Variants in ZNF750 observed in about 807,000 individuals in gnomAD.
ZNF750 encodes protein ZNF750.
ZNF750 carries 10 observed loss-of-function variants against 31.6 expected under a neutral mutation model. That is an observed-to-expected ratio of 0.32 (90% CI 0.19 to 0.54). The LOEUF (loss-of-function observed/expected upper bound fraction) is 0.54, where lower values mean the gene tolerates loss of function less well. Among genes scored for constraint, ZNF750 ranks in the 20% least tolerant of loss-of-function variants. The probability of loss-of-function intolerance (pLI) is 0.95; values close to 1 mark genes in which losing one functional copy is unlikely to be tolerated. For missense variants in ZNF750, 914 were observed against 934.9 expected (o/e 0.98, Z 0.29); for synonymous variants, 400 against 404.9 (o/e 0.99, Z 0.15).
Position 82,839,103 on chromosome 17 carries a change from A to T in ZNF750, c.-183+824T>A, listed in dbSNP as rs146106217. 1.4e-4 allele frequency: 58 copies of T among 410,150 alleles called. 2 individuals are homozygous for T. The East Asian group carries it at 8.5e-3, about 60-fold the overall frequency. The allele number at this position is 410,150 out of a possible 1,614,324, so 25.4% of individuals were successfully genotyped here. Reference sequence around the variant, plus strand: ...CCTTTGGTTTGGTTTTGTTTTCGAAAGCTTATGCCCAATTTTAAACTTCAT... The same window carrying T: ...CCTTTGGTTTGGTTTTGTTTTCGAATGCTTATGCCCAATTTTAAACTTCAT... On this transcript the variant is annotated intron_variant, in intron 1 of 2. Transcript: ENST00000269394.
chr17:82,834,932 T>C (rs999808561), intron 1 of ZNF750, among the ~76,000 whole-genome samples: 1 of 151,912 alleles, frequency 6.6e-6, no homozygotes, highest in African/African-American at 2.4e-5. Context: ...GGGCCGTGGC[T>C]CATGCCTGTA....
rs750090135 is a variant in ZNF750, at chr17:82,830,628, C to G, written c.1686G>C (p.Gln562His). The change falls in exon 3 of 3, where the codon CAG becomes CAC. Residue 562 changes from glutamine (Q) to histidine (H), a missense_variant. This residue lies in a region of ZNF750 where 880 missense variants were observed against 868.9 expected (regional missense o/e 1.01). Transcript: ENST00000269394. The stretch of plus-strand genomic sequence containing the variant: ...GACCGGGGAAGGCAGGCCTCGGAGC[C>G]TGGGTGTTACAGGGGTCCTTCACCG... Reference protein sequence around the residue: ...NLSVKDPCNTQAPRPAFPGRP... With the variant: ...NLSVKDPCNTHAPRPAFPGRP... The G allele has an allele frequency of 6.2e-7, 1 of 1,613,908 alleles. No homozygotes were observed. The highest frequency in any genetic ancestry group is 1.3e-5 in the African/African-American group (1 of 74,918).
intron 1 of ZNF750, among the ~76,000 whole-genome samples, chr17:82,836,362 G>A (rs1460976029): frequency 6.6e-6 from 1 of 152,236 alleles, no homozygotes; most frequent in African/African-American, 2.4e-5. Context: ...GGATCTGAAA[G>A]CTGATGATTT....
chr17:82,831,166 A>C lies in ZNF750; in HGVS notation c.1289T>G (p.Leu430Arg). The change falls in exon 2 of 3, where the codon CTG becomes CGG. Residue 430 changes from leucine (L) to arginine (R), a missense_variant. Transcript: ENST00000269394. The surrounding 1 kb of genome is among the most constrained non-coding windows in gnomAD (Gnocchi z 4.6). ...FMQTSQTCEG[L>R]YDLSNKAASS... ...GGCTGCCTTGTTGGAGAGGTCGTAC[A>C]GGCCTTCGCAGGTCTGGCTCGTCTG... 2 of 1,614,118 alleles carry C rather than the reference A, an allele frequency of 1.2e-6. No individual in the cohort carries two copies. Among genetic ancestry groups the C allele is most frequent in the Non-Finnish European group, 1.7e-6 (2 of 1,180,028 alleles).
rs1278025423 is a variant in ZNF750 at position 82,833,761 on chromosome 17, C to T, written c.-182-1125G>A. Among the ~76,000 whole-genome samples, 3 of 152,160 alleles carry T rather than the reference C, an allele frequency of 2.0e-5. No homozygotes were observed. Among genetic ancestry groups the T allele is most frequent in the Admixed American group, 6.5e-5 (1 of 15,284 alleles). Reference sequence around the variant, plus strand: ...GGAGGAAGCTGTCCTGGCCCTTAACCTTTAGGGAGTGGGTTCAGCCCTCTG... The same window carrying T: ...GGAGGAAGCTGTCCTGGCCCTTAACTTTTAGGGAGTGGGTTCAGCCCTCTG... On this transcript the variant is annotated intron_variant, in intron 1 of 2. Coordinates refer to ENST00000269394, the MANE Select transcript of ZNF750 (RefSeq NM_024702.3). This position sits in a 1 kb window ranked among gnomAD's most constrained non-coding sequence, Gnocchi z 4.7.
In ZNF750 at chr17:82,830,159, T is replaced by C; in HGVS notation, c.2155A>G (p.Arg719Gly). 6.2e-7 allele frequency: 1 copy of C among 1,614,036 alleles called. No homozygotes were observed. The highest frequency in any genetic ancestry group is 8.5e-7 in the Non-Finnish European group (1 of 1,180,042). Residue 719 changes from arginine (R) to glycine (G), a missense_variant, in exon 3 of 3, where the codon AGG becomes GGG. Physicochemically the swap from Arg to Gly is moderately radical, Grantham distance 125. Coordinates refer to ENST00000269394, the MANE Select transcript of ZNF750 (RefSeq NM_024702.3). Reference sequence around the variant, plus strand: ...ACCCGGCGTTAGGACACCCGGGCCCTCCTTCGTAGTGTGAACACTCTGGCC... The same window carrying C: ...ACCCGGCGTTAGGACACCCGGGCCCCCCTTCGTAGTGTGAACACTCTGGCC... ...DTARVFTLRR[R>G]ARVS
intron 1 of ZNF750, among the ~76,000 whole-genome samples, chr17:82,837,683 C>T (rs781655022): frequency 1.4e-4 from 22 of 152,180 alleles, no homozygotes; most frequent in Admixed American, 2.6e-4. Context: ...CCCACTGGAT[C>T]GGCAGGAAGC....
Position 82,831,965 on chromosome 17 carries a change from G to T in ZNF750, c.490C>A (p.Pro164Thr). 1.2e-6 allele frequency: 2 copies of T among 1,613,838 alleles called. No individual in the cohort carries two copies. Among genetic ancestry groups the T allele is most frequent in the Non-Finnish European group, 1.7e-6 (2 of 1,179,770 alleles). ...CCCTTGAGTCTGTGCTCGCCGACTG[G>T]AACAAATGCAGAAGGCCGAGCTGCG... ...EGAARPSAFVPVGEHRLKGPD... is the reference protein window; with the variant it reads ...EGAARPSAFVTVGEHRLKGPD... Residue 164 changes from proline to threonine, a missense_variant, in exon 2 of 3, where the codon CCA becomes ACA. Around this residue, in one of 2 missense-constraint regions of ZNF750, gnomAD observed 880 missense variants for 868.9 expected, o/e 1.01. Transcript: ENST00000269394. This position sits in a 1 kb window ranked among gnomAD's most constrained non-coding sequence, Gnocchi z 4.6.
Position 82,831,687 on chromosome 17 carries a change from G to GTAGA in ZNF750, c.764_767dup (p.Ser257LeufsTer12). The GTAGA allele has an allele frequency of 6.2e-7, 1 of 1,614,222 alleles. No homozygotes were observed. The highest frequency in any genetic ancestry group is 8.5e-7 in the Non-Finnish European group (1 of 1,180,040). On this transcript the variant is annotated frameshift_variant, in exon 2 of 3. Transcript: ENST00000269394. LOFTEE classifies it high-confidence loss of function. This position sits in a 1 kb window ranked among gnomAD's most constrained non-coding sequence, Gnocchi z 4.6. ...AGCTCCCAGCCAGCAGGTAAGGCGA[G>GTAGA]TAGATGGTGGCCAGCCCGTGCTCTG...
chr17:82,831,746 G>A lies in ZNF750; in HGVS notation c.709C>T (p.Pro237Ser), dbSNP rs1417497971. ...TGAGGCGGGTACTCTGGGATTGTGG[G>A]GTGCATGTAAGGGGAAATGGCCCCA... The part of the protein sequence containing the change: ...GLGAISPYMH[P>S]TIPEYPPHFY... Residue 237 changes from proline to serine, a missense_variant, in exon 2 of 3, where the codon CCC becomes TCC. This residue lies in a region of ZNF750 where 880 missense variants were observed against 868.9 expected (regional missense o/e 1.01). Transcript: ENST00000269394. The surrounding 1 kb of genome is among the most constrained non-coding windows in gnomAD (Gnocchi z 4.6). 6.2e-7 allele frequency: 1 copy of A among 1,614,152 alleles called. No homozygotes were observed. The highest frequency in any genetic ancestry group is 1.7e-5 in the Admixed American group (1 of 60,016).
chr17:82,838,615 C>T (rs1811959870), intron 1 of ZNF750: 5 of 983,698 alleles, frequency 5.1e-6, no homozygotes, highest in South Asian at 4.7e-5. Context: ...GTCGCAAGAA[C>T]GAGATTTGTG....
intron 1 of ZNF750, among the ~76,000 whole-genome samples, chr17:82,836,904 A>G (rs1175820595): frequency 2.0e-5 from 3 of 152,132 alleles, no homozygotes; most frequent in Admixed American, 6.6e-5. Flanking sequence ...CAGTTAGTTC[A>G]CGTAAGCGGG....
intron 1 of ZNF750, among the ~76,000 whole-genome samples, chr17:82,836,905 C>T (rs556079801): frequency 2.6e-5 from 4 of 152,150 alleles, no homozygotes; most frequent in East Asian, 1.9e-4. Flanking sequence ...AGTTAGTTCA[C>T]GTAAGCGGGT....
At chr17:82,836,705 A>G (rs758876408) in intron 1 of ZNF750, among the ~76,000 whole-genome samples, 1 of 148,546 alleles carries the variant, frequency 6.7e-6, no homozygotes, top group Non-Finnish European at 1.5e-5. Context: ...AAAACAAAAC[A>G]AAACAAAACC....
At position 82,832,181 on chromosome 17, in the gene ZNF750, C is replaced by A. The variant is rs377414981; in HGVS notation, c.274G>T (p.Ala92Ser). The A allele has an allele frequency of 2.5e-6, 4 of 1,614,214 alleles. No individual in the cohort carries two copies. In the South Asian group the frequency reaches 3.3e-5, roughly 13 times the overall value. Reference protein sequence around the residue: ...TAKPASSKSVANGLSAFDSKL... With the variant: ...TAKPASSKSVSNGLSAFDSKL... ...GAGTCGAAGGCAGAGAGTCCATTTG[C>A]GACAGACTTGGAAGAGGCTGGCTTC... The change falls in exon 2 of 3, where the codon GCA becomes TCA. Residue 92 changes from alanine to serine, a missense_variant. Around this residue, in one of 2 missense-constraint regions of ZNF750, gnomAD observed 880 missense variants for 868.9 expected, o/e 1.01. Coordinates refer to ENST00000269394, the MANE Select transcript of ZNF750 (RefSeq NM_024702.3). The surrounding 1 kb of genome is among the most constrained non-coding windows in gnomAD (Gnocchi z 4.9).
At chr17:82,834,682 A>G (rs996115074) in intron 1 of ZNF750, among the ~76,000 whole-genome samples, 27 of 150,624 alleles carry the variant, frequency 1.8e-4, no homozygotes, top group Admixed American at 1.8e-3. Flanking sequence ...ACACATGGAC[A>G]CAGGGAGGGG....
In ZNF750 at chr17:82,831,200, C is replaced by T. The variant is rs765397272; in HGVS notation, c.1255G>A (p.Asp419Asn). The change falls in exon 2 of 3, where the codon GAC (aspartate) becomes AAC (asparagine). Residue 419 changes from aspartate to asparagine, a missense_variant. By Grantham distance (23) the Asp-to-Asn change is conservative (BLOSUM62 1). Around this residue, in one of 2 missense-constraint regions of ZNF750, gnomAD observed 880 missense variants for 868.9 expected, o/e 1.01. Coordinates refer to ENST00000269394, the MANE Select transcript of ZNF750 (RefSeq NM_024702.3). This position sits in a 1 kb window ranked among gnomAD's most constrained non-coding sequence, Gnocchi z 4.6. The stretch of plus-strand genomic sequence containing the variant: ...CAGGTCTGGCTCGTCTGCATGAAGT[C>T]GGTGGGGCTCGGCCTCCCTGGGGAG... ...TGSPGRPSPT[D>N]FMQTSQTCEG... 1.4e-5 allele frequency: 23 copies of T among 1,613,956 alleles called. No homozygotes were observed. The highest frequency in any genetic ancestry group is 8.0e-5 in the African/African-American group (6 of 74,940).
In ZNF750 at chr17:82,832,556, T is replaced by G. The variant is rs2053612133; in HGVS notation, c.-102A>C. The G allele has an allele frequency of 9.5e-7, 1 of 1,052,598 alleles. No homozygotes were observed. The highest frequency in any genetic ancestry group is 1.3e-5 in the South Asian group (1 of 75,946). 65.2% of individuals were successfully genotyped at this position (1,052,598 alleles called of 1,614,324 possible). A position where few individuals can be genotyped will look rare whatever the true frequency, so the allele number is the denominator to read the frequency against. ...TAAAGAGGCACCTCCCGCTTTGCTT[T>G]CTTTCCCGATCACTTCTATCAGAAG... On this transcript the variant is annotated 5_prime_UTR_variant, in exon 2 of 3. Coordinates refer to ENST00000269394, the MANE Select transcript of ZNF750 (RefSeq NM_024702.3). This position sits in a 1 kb window ranked among gnomAD's most constrained non-coding sequence, Gnocchi z 4.9.
chr17:82,836,432 G>C (rs1444163385), intron 1 of ZNF750, among the ~76,000 whole-genome samples: 1 of 152,260 alleles, frequency 6.6e-6, no homozygotes, highest in Non-Finnish European at 1.5e-5. Flanking sequence ...TTCATCAAGT[G>C]AGAGCTGCGT....
Sources: allele counts gnomAD v4.1 joint callset (sites outside exome capture counted in the v4.1 genomes callset), GRCh38; gene constraint gnomAD v4.1.1; regional missense constraint gnomAD v4.1.1; non-coding constraint Gnocchi (gnomAD v3.1); transcripts MANE v1.5; gene names NCBI Gene and HGNC (gene_info 2026-07-23, HGNC 2026-07-21).